The following CTNNA2 variants were observed in gnomAD, a reference collection of about 807,000 sequenced individuals.
CTNNA2 encodes the protein catenin alpha 2, also known as catenin alpha-2.
In CTNNA2, 42 loss-of-function variants were observed where a neutral mutation model predicts 101.0. The observed-to-expected ratio is 0.42, with a 90% confidence interval of 0.32 to 0.54. CTNNA2 has a LOEUF of 0.54. CTNNA2 is among the 20% of genes least tolerant of loss of function. The probability of loss-of-function intolerance (pLI) is 0.14; values close to 1 mark genes in which losing one functional copy is unlikely to be tolerated. For missense variants in CTNNA2, 871 were observed against 1,223.1 expected (o/e 0.71, Z 4.29); for synonymous variants, 450 against 456.4 (o/e 0.99, Z 0.18).
intron 3 of CTNNA2, among the ~76,000 whole-genome samples, chr2:79,812,014 T>C (rs1677079739): frequency 6.6e-6 from 1 of 152,200 alleles, no homozygotes; most frequent in East Asian, 1.9e-4. Flanking sequence ...GATTTCCAAT[T>C]GTTTACTGAT....
chr2:80,523,360 ATGAGC>A (rs1417745868), intron 9 of CTNNA2, among the ~76,000 whole-genome samples: 1 of 152,154 alleles, frequency 6.6e-6, no homozygotes, highest in African/African-American at 2.4e-5. Context: ...AAAGATGTCT[ATGAGC>A]TGTAAATTGA....
At chr2:80,623,574 C>T (rs1250951558) in intron 18 of CTNNA2, among the ~76,000 whole-genome samples, 1 of 151,836 alleles carries the variant, frequency 6.6e-6, no homozygotes, top group African/African-American at 2.4e-5. Context: ...TTCTTCTGAC[C>T]ATGCTGAGTT....
At chr2:80,195,234 T>G (rs1297820475) in intron 7 of CTNNA2, among the ~76,000 whole-genome samples, 1 of 152,150 alleles carries the variant, frequency 6.6e-6, no homozygotes, top group Admixed American at 6.5e-5. Context: ...TGTACTCCAA[T>G]AGGACTATAA....
chr2:79,964,585 C>T lies in CTNNA2; in HGVS notation c.1056+54788C>T, dbSNP rs142384098. On this transcript the variant is annotated intron_variant, in intron 7 of 18. Coordinates refer to ENST00000402739, the MANE Select transcript of CTNNA2 (RefSeq NM_001282597.3). ...TCTAGTTTATGAAAAAAAGATGTGC[C>T]TTATTCCGTGATTTCCTTCTAAATA... 3.7e-3 allele frequency among the ~76,000 whole-genome samples: 563 copies of T among 152,194 alleles called. 2 individuals carry two copies. The highest frequency in any genetic ancestry group is 0.011 in the African/African-American group (473 of 41,510).
At chr2:79,909,825 T>C in intron 7 of CTNNA2, 28 bp downstream of exon 7, 1 of 1,571,206 alleles carries the variant, frequency 6.4e-7, no homozygotes, top group Non-Finnish European at 8.7e-7. Context: ...CATTCTCATG[T>C]CTTGGTGGAT....
chr2:79,655,720 T>A (rs1395556600), intron 2 of CTNNA2, among the ~76,000 whole-genome samples: 1 of 151,438 alleles, frequency 6.6e-6, no homozygotes, highest in Non-Finnish European at 1.5e-5. Context: ...ACCCAGCTAC[T>A]CAGGAGGCTG....
At chr2:80,208,525 A>G (rs562024830) in intron 7 of CTNNA2, among the ~76,000 whole-genome samples, 168 of 152,280 alleles carry the variant, frequency 1.1e-3, no homozygotes, top group African/African-American at 4.0e-3. Context: ...AGCTTGCATG[A>G]AAGGAGCACT....
intron 6 of CTNNA2, among the ~76,000 whole-genome samples, chr2:79,897,421 G>T (rs772806870): frequency 2.0e-5 from 3 of 152,014 alleles, no homozygotes; most frequent in Non-Finnish European, 4.4e-5. Flanking sequence ...ACTGACCATG[G>T]AAATATAAAG....
intron 1 of CTNNA2, chr2:79,637,052 G>A (rs958153289): frequency 2.6e-5 from 4 of 152,222 alleles, no homozygotes; most frequent in African/African-American, 9.6e-5. Context: ...AAGCCAGATT[G>A]TTGTGGGATG....
intron 7 of CTNNA2, among the ~76,000 whole-genome samples, chr2:80,339,944 A>G (rs888845212): frequency 1.3e-5 from 2 of 152,206 alleles, no homozygotes; most frequent in African/African-American, 2.4e-5. Flanking sequence ...TCTAAGAATG[A>G]CGCCTTTACA....
At chr2:79,808,346 A>G (rs1414607145) in intron 3 of CTNNA2, among the ~76,000 whole-genome samples, 1 of 152,162 alleles carries the variant, frequency 6.6e-6, no homozygotes, top group Non-Finnish European at 1.5e-5. Context: ...TGGCGAGGCC[A>G]ATGAGGAGTT....
rs539307450 is a variant in CTNNA2 at position 79,406,857 on chromosome 2, A to G, written c.-135+32844A>G. ...TCTAGAGTCTGCACTCCACTCACTC[A>G]CACTGCAGTAAATTTTTCCAATGTT... On this transcript the variant is annotated intron_variant, in intron 4 of 21. Transcript: ENST00000466387. 3.6e-4 allele frequency among the ~76,000 whole-genome samples: 54 copies of G among 152,084 alleles called. No homozygotes were observed. In the East Asian group the frequency reaches 4.7e-3, roughly 13 times the overall value.
rs556552783 is a variant in CTNNA2 at position 80,302,028 on chromosome 2, T to G, written c.1057-91183T>G. 7.3e-6 allele frequency: 4 copies of G among 547,182 alleles called. No homozygotes were observed. Among genetic ancestry groups the G allele is most frequent in the Non-Finnish European group, 1.3e-5 (4 of 315,714 alleles). 33.9% of individuals were successfully genotyped at this position (547,182 alleles called of 1,614,324 possible). ...CTCATATGAAATTTAAGATAGACTG[T>G]CCTGAAGGTTGTGGGGTGGGGTTTT... On this transcript the variant is annotated intron_variant, in intron 7 of 18. Coordinates refer to ENST00000402739, the MANE Select transcript of CTNNA2 (RefSeq NM_001282597.3). The surrounding 1 kb of genome is among the most constrained non-coding windows in gnomAD (Gnocchi z 6.4).
chr2:80,016,628 A>G (rs1178499815), intron 7 of CTNNA2, among the ~76,000 whole-genome samples: 1 of 152,236 alleles, frequency 6.6e-6, no homozygotes, highest in South Asian at 2.1e-4. Flanking sequence ...GTTGACTTAG[A>G]GGATCAGGGA....
chr2:80,424,683 T>A (rs1389780340), intron 9 of CTNNA2, among the ~76,000 whole-genome samples: 1 of 152,212 alleles, frequency 6.6e-6, no homozygotes. Context: ...AGAATAATCT[T>A]CCAGGGTGGC....
chr2:79,483,208 A>G (rs1326504330), intron 4 of CTNNA2, among the ~76,000 whole-genome samples: 1 of 152,206 alleles, frequency 6.6e-6, no homozygotes, highest in African/African-American at 2.4e-5. Flanking sequence ...TGAGCAATAC[A>G]CTAACTTTTA....
chr2:80,253,963 G>C (rs1162846906), intron 7 of CTNNA2, among the ~76,000 whole-genome samples: 17 of 152,096 alleles, frequency 1.1e-4, no homozygotes, highest in Admixed American at 8.5e-4. Flanking sequence ...TAGGTCTGGG[G>C]TAAGATCATA....
chr2:79,204,402 TA>T (rs1674076147), intron 2 of CTNNA2, among the ~76,000 whole-genome samples: 1 of 152,242 alleles, frequency 6.6e-6, no homozygotes, highest in Non-Finnish European at 1.5e-5. Context: ...CTTAATTTTT[TA>T]TGGATTTGTG....
At chr2:79,936,446 C>T (rs1329694714) in intron 7 of CTNNA2, among the ~76,000 whole-genome samples, 2 of 152,128 alleles carry the variant, frequency 1.3e-5, no homozygotes, top group East Asian at 3.9e-4. Context: ...ACAGACAACC[C>T]GACCCCCTTT....
Sources: allele counts gnomAD v4.1 joint callset (sites outside exome capture counted in the v4.1 genomes callset), GRCh38; gene constraint gnomAD v4.1.1; non-coding constraint Gnocchi (gnomAD v3.1); transcripts MANE v1.5; gene names NCBI Gene and HGNC (gene_info 2026-07-23, HGNC 2026-07-21).